Variants in PDE4D observed in about 807,000 individuals in gnomAD.
The protein encoded by PDE4D is phosphodiesterase 4D.
In PDE4D, 24 loss-of-function variants were observed where a neutral mutation model predicts 87.4. The ratio of observed to expected loss-of-function variants is 0.27; its 90% CI spans 0.20 to 0.39. The LOEUF is 0.39. Among genes scored for constraint, PDE4D ranks in the 10% least tolerant of loss-of-function variants. The pLI is 1.00. For missense variants in PDE4D, 714 were observed against 1,041.0 expected, an observed-to-expected ratio of 0.69 and a Z score of 4.32; for synonymous variants, 384 against 383.2, an observed-to-expected ratio of 1.00 and a Z score of -0.02.
intron 2 of PDE4D, among the ~76,000 whole-genome samples, chr5:60,075,247 C>T (rs1458236117): frequency 6.6e-6 from 1 of 152,182 alleles, no homozygotes; most frequent in African/African-American, 2.4e-5. Flanking sequence ...TGAAAAGGAT[C>T]TTATTTCTTC....
At position 60,299,296 on chromosome 5, in the gene PDE4D, G is replaced by C. The variant is rs375859356; in HGVS notation, c.-89-113609C>G. ...AAAAATAGGTTCTAACTTTGAAACC[G>C]TAAAGGGAATTTAGTTATTCCTTGG... On this transcript the variant is annotated intron_variant, in intron 1 of 16. Coordinates refer to the PDE4D transcript ENST00000502484. Among the ~76,000 whole-genome samples, 87 of 152,314 alleles carry C rather than the reference G, an allele frequency of 5.7e-4. 1 individual carries two copies. Among genetic ancestry groups the C allele is most frequent in the African/African-American group, 2.1e-3 (86 of 41,568 alleles).
At chr5:59,420,200 C>G (rs1283398187) in intron 1 of PDE4D, among the ~76,000 whole-genome samples, 1 of 152,118 alleles carries the variant, frequency 6.6e-6, no homozygotes, top group Non-Finnish European at 1.5e-5. Context: ...TTCTCAATAG[C>G]TTAGAAAGAT....
chr5:59,457,936 GA>G (rs1339969385), intron 1 of PDE4D, among the ~76,000 whole-genome samples: 1 of 151,848 alleles, frequency 6.6e-6, no homozygotes, highest in Non-Finnish European at 1.5e-5. Flanking sequence ...AAAACAGAAA[GA>G]CAAAATAAGA....
At chr5:60,286,987 T>C (rs983563389) in intron 1 of PDE4D, among the ~76,000 whole-genome samples, 3 of 152,242 alleles carry the variant, frequency 2.0e-5, no homozygotes, top group Non-Finnish European at 4.4e-5. Flanking sequence ...TATTAACTAC[T>C]GTTGGCCTCT....
At chr5:59,191,990 G>T (rs1032002029) in intron 3 of PDE4D, among the ~76,000 whole-genome samples, 2 of 152,118 alleles carry the variant, frequency 1.3e-5, no homozygotes, top group Non-Finnish European at 1.5e-5. Context: ...GTACTAGAAA[G>T]AATTCATAAT....
intron 2 of PDE4D, among the ~76,000 whole-genome samples, chr5:60,110,074 C>T (rs925071482): frequency 4.0e-5 from 6 of 151,630 alleles, no homozygotes; most frequent in South Asian, 2.1e-4. Flanking sequence ...CTGGAATGAG[C>T]GAAGTGGTAC....
intron 6 of PDE4D, among the ~76,000 whole-genome samples, chr5:59,021,974 T>G (rs995934682): frequency 1.3e-5 from 2 of 152,122 alleles, no homozygotes; most frequent in African/African-American, 4.8e-5. Flanking sequence ...GGGGATGGCT[T>G]GGCAGTTGGC....
At chr5:59,407,346 A>T (rs1202859636) in intron 1 of PDE4D, among the ~76,000 whole-genome samples, 1 of 152,204 alleles carries the variant, frequency 6.6e-6, no homozygotes, top group African/African-American at 2.4e-5. Flanking sequence ...TGCTGGCATT[A>T]TGCTTGTACA....
chr5:59,536,920 T>C (rs1342677002), intron 1 of PDE4D, among the ~76,000 whole-genome samples: 1 of 152,200 alleles, frequency 6.6e-6, no homozygotes, highest in East Asian at 1.9e-4. Flanking sequence ...GTATGACAAA[T>C]ATATACTTGG....
At position 60,245,746 on chromosome 5, in the gene PDE4D, A is replaced by C. The variant is rs187694783; in HGVS notation, c.-89-60059T>G. 9.2e-5 allele frequency among the ~76,000 whole-genome samples: 14 copies of C among 152,024 alleles called. No homozygotes were observed. In the East Asian group the frequency reaches 2.7e-3, roughly 29 times the overall value. On this transcript the variant is annotated intron_variant, in intron 1 of 16. Coordinates refer to the PDE4D transcript ENST00000502484. ...AATTAAAACAATTGAACTCATGGAG[A>C]TAGATGGTAAAGGGATGGTTACCAT...
At chr5:60,169,579 A>C (rs1197939537) in intron 2 of PDE4D, among the ~76,000 whole-genome samples, 1 of 152,084 alleles carries the variant, frequency 6.6e-6, no homozygotes, top group Non-Finnish European at 1.5e-5. Context: ...AAAGCTGAAT[A>C]AAGGCAAGAG....
At chr5:59,111,926 T>C (rs1473883401) in intron 5 of PDE4D, among the ~76,000 whole-genome samples, 1 of 152,084 alleles carries the variant, frequency 6.6e-6, no homozygotes, top group African/African-American at 2.4e-5. Flanking sequence ...AGGCGAAGAT[T>C]GTTCCACATG....
At chr5:59,395,026 G>A (rs988198927) in intron 1 of PDE4D, among the ~76,000 whole-genome samples, 3 of 152,174 alleles carry the variant, frequency 2.0e-5, no homozygotes, top group Non-Finnish European at 4.4e-5. Context: ...TTTCCGACGG[G>A]CTTAAAAAAC....
At chr5:59,236,827 C>A (rs915720087) in intron 1 of PDE4D, among the ~76,000 whole-genome samples, 1 of 151,018 alleles carries the variant, frequency 6.6e-6, no homozygotes, top group Non-Finnish European at 1.5e-5. Flanking sequence ...GAAAGAAAGG[C>A]AGGAAGAAAG....
intron 1 of PDE4D, among the ~76,000 whole-genome samples, chr5:59,280,697 C>T (rs1765642691): frequency 6.6e-6 from 1 of 151,980 alleles, no homozygotes; most frequent in Non-Finnish European, 1.5e-5. Flanking sequence ...AGCATTGATT[C>T]CTGATCCCAA....
chr5:59,339,763 T>C (rs1232875212), intron 1 of PDE4D, among the ~76,000 whole-genome samples: 5 of 152,156 alleles, frequency 3.3e-5, no homozygotes, highest in Admixed American at 1.3e-4. Flanking sequence ...AATGTTGGTG[T>C]CTTAGCCTCA....
At chr5:60,280,727 C>T (rs1445956044) in intron 1 of PDE4D, among the ~76,000 whole-genome samples, 1 of 152,134 alleles carries the variant, frequency 6.6e-6, no homozygotes, top group Admixed American at 6.6e-5. Context: ...AACTCTTCAT[C>T]AGTAAATAGC....
intron 1 of PDE4D, among the ~76,000 whole-genome samples, chr5:59,261,182 A>G (rs532205154): frequency 7.9e-5 from 12 of 151,956 alleles, no homozygotes; most frequent in African/African-American, 2.6e-4. Context: ...GTAATCCTTA[A>G]GGGCAGGCCT....
chr5:59,688,434 T>C (rs1300190731), intron 1 of PDE4D, among the ~76,000 whole-genome samples: 2 of 152,154 alleles, frequency 1.3e-5, no homozygotes, highest in Non-Finnish European at 2.9e-5. Flanking sequence ...ACCGCTCAAC[T>C]ACATGGAAAC....
Sources: allele counts gnomAD v4.1 joint callset (sites outside exome capture counted in the v4.1 genomes callset), GRCh38; gene constraint gnomAD v4.1.1; transcripts MANE v1.5; gene names NCBI Gene and HGNC (gene_info 2026-07-23, HGNC 2026-07-21).